Variants in NDUFAF6 observed in about 807,000 individuals in gnomAD.
NDUFAF6 encodes NADH:ubiquinone oxidoreductase complex assembly factor 6.
NDUFAF6 carries 45 observed loss-of-function variants against 40.8 expected under a neutral mutation model. The ratio of observed to expected loss-of-function variants is 1.10; its 90% CI spans 0.87 to 1.42. The LOEUF is 1.42. NDUFAF6 is among the 40% of genes most tolerant of loss of function. NDUFAF6 has a pLI of 0.00. For missense variants in NDUFAF6, 435 were observed against 418.5 expected, an observed-to-expected ratio of 1.04 and a Z score of -0.34; for synonymous variants, 185 against 155.9, an observed-to-expected ratio of 1.19 and a Z score of -1.39.
intron 1 of NDUFAF6, among the ~76,000 whole-genome samples, chr8:94,906,943 A>T (rs1818430858): frequency 2.0e-5 from 3 of 152,230 alleles, no homozygotes; most frequent in Admixed American, 2.0e-4. Context: ...TTATGTATCC[A>T]GCACCTAGCA....
chr8:95,045,225 A>G (rs1162425467), intron 4 of NDUFAF6, among the ~76,000 whole-genome samples: 1 of 152,112 alleles, frequency 6.6e-6, no homozygotes, highest in Non-Finnish European at 1.5e-5. Flanking sequence ...TGCCTACGTA[A>G]TGTCTAAAGT....
At chr8:94,997,824 C>G (rs982272492) in intron 2 of NDUFAF6, among the ~76,000 whole-genome samples, 2 of 152,198 alleles carry the variant, frequency 1.3e-5, no homozygotes, top group Admixed American at 6.5e-5. Flanking sequence ...GGAAGAAGAA[C>G]GTTGTTCTCT....
intron 2 of NDUFAF6, chr8:94,950,194 C>T (rs948072185): frequency 2.0e-5 from 3 of 152,310 alleles, no homozygotes; most frequent in Admixed American, 6.5e-5. Context: ...GGAACTTAGC[C>T]CCTCTGTTCT....
At chr8:94,976,266 G>A (rs1824923969) in intron 1 of NDUFAF6, among the ~76,000 whole-genome samples, 1 of 151,872 alleles carries the variant, frequency 6.6e-6, no homozygotes, top group African/African-American at 2.4e-5. Context: ...GGCACTTTGG[G>A]AGGCAGAGGC....
chr8:94,921,455 T>C (rs542766270), intron 1 of NDUFAF6, among the ~76,000 whole-genome samples: 21 of 152,292 alleles, frequency 1.4e-4, no homozygotes, highest in African/African-American at 4.6e-4. Context: ...GAGCTGGGAA[T>C]AGTGAATGCC....
intron 7 of NDUFAF6, among the ~76,000 whole-genome samples, chr8:95,051,064 A>G (rs944221740): frequency 2.6e-5 from 4 of 152,090 alleles, no homozygotes; most frequent in Non-Finnish European, 4.4e-5. Context: ...ATGGACTATT[A>G]AAAAAATGCA....
chr8:95,018,303 C>T (rs781296922), intron 2 of NDUFAF6, among the ~76,000 whole-genome samples: 14 of 151,878 alleles, frequency 9.2e-5, no homozygotes, highest in Admixed American at 2.0e-4. Context: ...TCCCCAAGTG[C>T]GGTGATTACA....
downstream of NDUFAF6, among the ~76,000 whole-genome samples, chr8:95,063,342 T>C (rs931040246): frequency 2.0e-5 from 3 of 152,256 alleles, no homozygotes; most frequent in Non-Finnish European, 1.5e-5. Flanking sequence ...GGCTCACGCC[T>C]GTAATCTCAA....
rs1819075569 is a variant in NDUFAF6, at chr8:94,915,540, G to C, written c.-936+19613G>C. 3.3e-5 allele frequency among the ~76,000 whole-genome samples: 5 copies of C among 152,200 alleles called. 1 individual carries two copies. Among genetic ancestry groups the C allele is most frequent in the Admixed American group, 3.3e-4 (5 of 15,280 alleles). On this transcript the variant is annotated intron_variant, in intron 1 of 14. Transcript: ENST00000396113. ...GTGCTGTGATGAACATGCGAGTGCA[G>C]GTGTTGTTTTGGTAGAACAATTTAT... is the stretch of plus-strand genomic sequence containing the variant.
chr8:94,905,353 C>T (rs1379454789), intron 1 of NDUFAF6, among the ~76,000 whole-genome samples: 4 of 147,518 alleles, frequency 2.7e-5, no homozygotes, highest in South Asian at 2.1e-4. Flanking sequence ...TTTGACGGGT[C>T]GGATTTTTCT....
chr8:94,922,518 A>AG (rs1819575317), intron 1 of NDUFAF6, among the ~76,000 whole-genome samples: 1 of 147,574 alleles, frequency 6.8e-6, no homozygotes. Flanking sequence ...TCACTCCGTC[A>AG]CCCAGGCTGG....
chr8:94,928,078 T>C (rs1352618126), intron 1 of NDUFAF6: 2 of 152,174 alleles, frequency 1.3e-5, no homozygotes, highest in Non-Finnish European at 2.9e-5. Flanking sequence ...CTTCAATACT[T>C]ACATGTGCCA....
chr8:95,036,634 T>A (rs1224798254), intron 3 of NDUFAF6: 2 of 623,908 alleles, frequency 3.2e-6, no homozygotes, highest in East Asian at 1.4e-4. Context: ...ATAGTGGAGG[T>A]GGAGGTTTAT....
chr8:95,041,109 G>T (rs1353515638), intron 3 of NDUFAF6, among the ~76,000 whole-genome samples: 1 of 152,190 alleles, frequency 6.6e-6, no homozygotes, highest in African/African-American at 2.4e-5. Flanking sequence ...AGGGTGGCTA[G>T]GCACAGTGGC....
chr8:95,027,038 C>T (rs949563084), intron 1 of NDUFAF6, among the ~76,000 whole-genome samples: 1 of 152,080 alleles, frequency 6.6e-6, no homozygotes, highest in Non-Finnish European at 1.5e-5. Flanking sequence ...AGAGCAAGAC[C>T]CTGTTTCAAA....
In NDUFAF6 at chr8:95,025,209, A is replaced by G; in HGVS notation, c.197+4A>G. ...ACTACTGCCTGGAGCTGCTGCGGTG[A>G]GCGAGCACGACCTTCCCTGGCGCGG... is the stretch of plus-strand genomic sequence containing the variant. On this transcript the variant is annotated splice_donor_region_variant and intron_variant, in intron 1 of 8. Transcript: ENST00000396124. 7.0e-7 allele frequency: 1 copy of G among 1,422,098 alleles called. No individual in the cohort carries two copies. Among genetic ancestry groups the G allele is most frequent in the Non-Finnish European group, 9.1e-7 (1 of 1,100,430 alleles). 88.1% of individuals were successfully genotyped at this position (1,422,098 alleles called of 1,614,324 possible). A position where few individuals can be genotyped will look rare whatever the true frequency, so the allele number is the denominator to read the frequency against.
upstream of NDUFAF6, among the ~76,000 whole-genome samples, chr8:95,022,265 A>G (rs550094463): frequency 9.9e-5 from 15 of 152,122 alleles, no homozygotes; most frequent in South Asian, 2.7e-3. Flanking sequence ...CGAATGGCTG[A>G]TCCTAAAAGC....
At chr8:94,971,383 A>G (rs570262044) in intron 1 of NDUFAF6, among the ~76,000 whole-genome samples, 2 of 152,218 alleles carry the variant, frequency 1.3e-5, no homozygotes, top group African/African-American at 4.8e-5. Context: ...ACTTCCTGCT[A>G]TAAGTGGTTT....
At chr8:95,069,095 A>G (rs1832769172) in intron 9 of NDUFAF6, 1 of 151,826 alleles carries the variant, frequency 6.6e-6, no homozygotes. Flanking sequence ...CATTGTGCAC[A>G]GTCTCATTGT....
Sources: allele counts gnomAD v4.1 joint callset (sites outside exome capture counted in the v4.1 genomes callset), GRCh38; gene constraint gnomAD v4.1.1; transcripts MANE v1.5; gene names NCBI Gene and HGNC (gene_info 2026-07-23, HGNC 2026-07-21).